AP3B1: variants seen among roughly 807,000 people sequenced by gnomAD.
AP3B1 encodes the protein adaptor related protein complex 3 subunit beta 1.
Under a neutral mutation model 132.5 loss-of-function variants are expected in AP3B1, and 61 were observed. That is an observed-to-expected ratio of 0.46 (90% confidence interval 0.37 to 0.57). The LOEUF is 0.57. Ranked by LOEUF, AP3B1 falls within the 20% of genes least tolerant of loss-of-function variation. The pLI, the probability that AP3B1 is intolerant of heterozygous loss-of-function variation, is 0.00. For missense variants in AP3B1, 1,120 were observed against 1,289.4 expected (o/e 0.87, Z 2.01); for synonymous variants, 388 against 438.3 (o/e 0.89, Z 1.43).
At chr5:78,074,802 G>A (rs958962604) in intron 22 of AP3B1, among the ~76,000 whole-genome samples, 1 of 152,092 alleles carries the variant, frequency 6.6e-6, no homozygotes, top group Non-Finnish European at 1.5e-5. Context: ...TACAAAACTA[G>A]CCGGGCGTGG....
intron 14 of AP3B1, among the ~76,000 whole-genome samples, chr5:78,143,122 A>G (rs566560548): frequency 1.3e-5 from 2 of 152,188 alleles, no homozygotes; most frequent in East Asian, 1.9e-4. Flanking sequence ...TGCTAGTATA[A>G]AAATCAGAAT....
intron 12 of AP3B1, 44 bp from the exon 13 acceptor site, chr5:78,162,995 A>G: frequency 6.3e-7 from 1 of 1,582,416 alleles, no homozygotes; most frequent in Non-Finnish European, 8.7e-7. Flanking sequence ...GGTATTATTG[A>G]GTTAACCAAA....
intron 24 of AP3B1, among the ~76,000 whole-genome samples, chr5:78,026,755 C>CA (rs1332280862): frequency 6.6e-6 from 1 of 152,170 alleles, no homozygotes; most frequent in Non-Finnish European, 1.5e-5. Flanking sequence ...AAACAGCATA[C>CA]AAGAGTACAT....
chr5:78,068,639 C>T (rs1344401722), intron 22 of AP3B1, among the ~76,000 whole-genome samples: 1 of 152,050 alleles, frequency 6.6e-6, no homozygotes, highest in Non-Finnish European at 1.5e-5. Flanking sequence ...AAGCCCAGGA[C>T]CAGATGGATT....
At chr5:78,159,414 A>G (rs1226861381) in intron 13 of AP3B1, among the ~76,000 whole-genome samples, 1 of 152,174 alleles carries the variant, frequency 6.6e-6, no homozygotes, top group Non-Finnish European at 1.5e-5. Context: ...CAGAAGTCTA[A>G]CATAGGTCTT....
intron 7 of AP3B1, among the ~76,000 whole-genome samples, chr5:78,189,645 G>A (rs561914414): frequency 3.9e-5 from 6 of 152,078 alleles, no homozygotes; most frequent in South Asian, 2.1e-4. Flanking sequence ...CAAGGCAGGC[G>A]GATCACCTGA....
At chr5:78,205,841 G>A (rs1331670467) in intron 7 of AP3B1, among the ~76,000 whole-genome samples, 1 of 135,180 alleles carries the variant, frequency 7.4e-6, no homozygotes, top group Non-Finnish European at 1.6e-5. Context: ...GAGGAAAGGG[G>A]ATTTATTTTG....
chr5:78,063,861 G>GTA (rs1305451304), intron 22 of AP3B1, among the ~76,000 whole-genome samples: 2 of 152,032 alleles, frequency 1.3e-5, no homozygotes, highest in Admixed American at 6.5e-5. Flanking sequence ...ATAGTACTGA[G>GTA]CTTAATTTTT....
At chr5:78,110,734 G>GTA (rs572406793) in intron 19 of AP3B1, among the ~76,000 whole-genome samples, 112 of 149,172 alleles carry the variant, frequency 7.5e-4, no homozygotes, top group Non-Finnish European at 1.4e-3. Context: ...ATACATACAT[G>GTA]TATATATATA....
Position 78,294,650 on chromosome 5 carries a change from C to A in AP3B1, c.-71G>T, listed in dbSNP as rs544749426. On this transcript the variant is annotated 5_prime_UTR_variant, in exon 1 of 27. Coordinates refer to ENST00000255194, the MANE Select transcript of AP3B1 (RefSeq NM_003664.5). Reference sequence around the variant, plus strand: ...CTCCAAAAGGTTCCAGTCCAGAGGGCACGGAACAAAACTAGTTCTCGTACG... The same window carrying A: ...CTCCAAAAGGTTCCAGTCCAGAGGGAACGGAACAAAACTAGTTCTCGTACG... 1.2e-6 allele frequency: 2 copies of A among 1,608,576 alleles called. No individual in the cohort carries two copies. Among genetic ancestry groups the A allele is most frequent in the Non-Finnish European group, 1.7e-6 (2 of 1,178,686 alleles).
chr5:78,039,430 A>G lies in AP3B1; in HGVS notation c.2578-156T>C, dbSNP rs549430004. Among the ~76,000 whole-genome samples, 5 of 152,360 alleles carry G rather than the reference A, an allele frequency of 3.3e-5. No individual in the cohort carries two copies. In the South Asian group the frequency reaches 8.3e-4, roughly 25 times the overall value. On this transcript the variant is annotated intron_variant, in intron 22 of 26. Transcript: ENST00000255194. Reference sequence around the variant, plus strand: ...TTAGTAGGATATCACACACATAGATATTAGTCAGAAATGATACAAAGAAGT... The same window carrying G: ...TTAGTAGGATATCACACACATAGATGTTAGTCAGAAATGATACAAAGAAGT...
chr5:78,087,615 G>A lies in AP3B1; in HGVS notation c.2577+1778C>T, dbSNP rs531874262. On this transcript the variant is annotated intron_variant, in intron 22 of 26. Transcript: ENST00000255194. ...TGTTGTGGTCCTGCTTCACTCAGCC[G>A]TGTCAACTGGCGGTCATTTTTTGCC... is the stretch of plus-strand genomic sequence containing the variant. 164 of 985,322 alleles carry A rather than the reference G, an allele frequency of 1.7e-4. 1 individual carries two copies. The South Asian group carries it at 4.8e-3, about 29-fold the overall frequency. The allele number at this position is 985,322 out of a possible 1,614,324, so 61.0% of individuals were successfully genotyped here.
At chr5:78,149,546 C>T (rs1416799663) in intron 14 of AP3B1, among the ~76,000 whole-genome samples, 2 of 152,058 alleles carry the variant, frequency 1.3e-5, no homozygotes, top group African/African-American at 2.4e-5. Context: ...TCAAAAAACA[C>T]TCAATATTCC....
chr5:78,009,791 G>A (rs1386117313), intron 26 of AP3B1, among the ~76,000 whole-genome samples: 1 of 146,210 alleles, frequency 6.8e-6, no homozygotes. Flanking sequence ...TGGGGGAGGG[G>A]GAGAGGGGAA....
At chr5:78,207,257 C>CAAA (rs35228759) in intron 7 of AP3B1, among the ~76,000 whole-genome samples, 10 of 116,140 alleles carry the variant, frequency 8.6e-5, no homozygotes, top group African/African-American at 3.0e-4. Flanking sequence ...GACTCAGTGT[C>CAAA]AAAAAAAAAA....
intron 25 of AP3B1, 123 bp from the exon 26 acceptor site, chr5:78,015,671 T>C (rs1746828723): frequency 1.1e-6 from 1 of 897,498 alleles, no homozygotes. Flanking sequence ...CTTTAGGATG[T>C]AATTTACAAG....
At chr5:78,161,000 G>GA (rs145110752) in intron 13 of AP3B1, among the ~76,000 whole-genome samples, 176 of 144,704 alleles carry the variant, frequency 1.2e-3, no homozygotes, top group Middle Eastern at 3.6e-3. Flanking sequence ...CACACTGCAG[G>GA]AAAAAAAAAA....
intron 22 of AP3B1, among the ~76,000 whole-genome samples, chr5:78,072,077 G>A (rs1052617539): frequency 4.6e-5 from 7 of 152,036 alleles, no homozygotes; most frequent in African/African-American, 1.2e-4. Context: ...ACTTAAAAAC[G>A]CATTATGAAA....
chr5:78,051,359 CAA>C (rs1242178533), intron 22 of AP3B1, among the ~76,000 whole-genome samples: 1 of 152,056 alleles, frequency 6.6e-6, no homozygotes. Flanking sequence ...ATTATCAACT[CAA>C]GTTAGATTTA....
Sources: gnomAD v4.1 joint callset for allele counts (sites outside exome capture counted in the v4.1 genomes callset) on GRCh38, gnomAD v4.1.1 for gene constraint, MANE v1.5 for transcripts, NCBI Gene and HGNC (gene_info 2026-07-23, HGNC 2026-07-21) for gene names.